PPFIBP1: variants seen among roughly 807,000 people sequenced by gnomAD.
PPFIBP1 encodes PPFIB scaffold protein 1.
A neutral mutation model predicts 137.8 loss-of-function variants in PPFIBP1; 112 were observed. That is an observed-to-expected ratio of 0.81 (90% CI 0.70 to 0.95). PPFIBP1 has a LOEUF of 0.95. PPFIBP1 is among the 40% of genes least tolerant of loss of function. The pLI is 0.00. For synonymous variants in PPFIBP1, 378 were observed against 417.3 expected (o/e 0.91, Z 1.15); for missense variants, 1,083 against 1,196.6 (o/e 0.91, Z 1.40).
At chr12:27,670,988 C>T (rs184266608) in intron 13 of PPFIBP1, among the ~76,000 whole-genome samples, 49 of 151,912 alleles carry the variant, frequency 3.2e-4, no homozygotes, top group African/African-American at 1.1e-3. Context: ...AACATTTCAT[C>T]CAGGGCTTAA....
At chr12:27,575,117 A>T (rs1386616864) in intron 1 of PPFIBP1, among the ~76,000 whole-genome samples, 1 of 152,222 alleles carries the variant, frequency 6.6e-6, no homozygotes, top group Non-Finnish European at 1.5e-5. Flanking sequence ...TTTTCTTAAA[A>T]GGCCAGATAT....
At chr12:27,572,294 A>T (rs1252755035) in intron 1 of PPFIBP1, among the ~76,000 whole-genome samples, 1 of 152,230 alleles carries the variant, frequency 6.6e-6, no homozygotes, top group Non-Finnish European at 1.5e-5. Flanking sequence ...TCTTTCCTTC[A>T]CTAGGCTGCC....
At chr12:27,663,554 G>T (rs866569186) in intron 11 of PPFIBP1, among the ~76,000 whole-genome samples, 1 of 151,968 alleles carries the variant, frequency 6.6e-6, no homozygotes, top group African/African-American at 2.4e-5. Flanking sequence ...TTAGAAAAAG[G>T]TTGGGGCCGG....
intron 1 of PPFIBP1, among the ~76,000 whole-genome samples, chr12:27,550,618 T>G (rs1459144995): frequency 1.3e-5 from 2 of 152,110 alleles, no homozygotes; most frequent in East Asian, 3.8e-4. Flanking sequence ...TTGCCCGAGA[T>G]CAAACAGAGA....
chr12:27,601,592 T>C (rs2053999833), intron 2 of PPFIBP1, among the ~76,000 whole-genome samples: 1 of 152,226 alleles, frequency 6.6e-6, no homozygotes, highest in South Asian at 2.1e-4. Flanking sequence ...CATTCTAATA[T>C]TAAGTTGTGC....
chr12:27,694,678 A>G lies in PPFIBP1; in HGVS notation c.*1796A>G, dbSNP rs1299080180. The G allele has an allele frequency of 6.6e-6, 1 of 152,244 alleles. No homozygotes were observed. Among genetic ancestry groups the G allele is most frequent in the East Asian group, 1.9e-4 (1 of 5,200 alleles). The allele number at this position is 152,244 out of a possible 1,614,324, so 9.4% of individuals were successfully genotyped here. ...TCTTTGTAAAGAAAATCGCTGCAGCAAAAACTGTTACTGTGTTTATTATAT... is the reference window on the plus strand; with the variant it reads ...TCTTTGTAAAGAAAATCGCTGCAGCGAAAACTGTTACTGTGTTTATTATAT... On this transcript the variant is annotated 3_prime_UTR_variant, in exon 30 of 30. Transcript: ENST00000228425.
intron 1 of PPFIBP1, among the ~76,000 whole-genome samples, chr12:27,535,275 T>G (rs1467859313): frequency 6.6e-6 from 1 of 152,174 alleles, no homozygotes; most frequent in Admixed American, 6.5e-5. Flanking sequence ...TCATTCTATG[T>G]GAAGAAAAAT....
intron 1 of PPFIBP1, among the ~76,000 whole-genome samples, chr12:27,546,434 T>C (rs1946249941): frequency 6.6e-6 from 1 of 152,188 alleles, no homozygotes; most frequent in South Asian, 2.1e-4. Context: ...ATTTTAGACA[T>C]CCTCACCCAA....
chr12:27,645,633 G>C (rs2058422392), intron 4 of PPFIBP1, among the ~76,000 whole-genome samples: 1 of 152,184 alleles, frequency 6.6e-6, no homozygotes, highest in African/African-American at 2.4e-5. Context: ...TTAAAATGGA[G>C]ATAAGTGAGG....
At position 27,687,442 on chromosome 12, in the gene PPFIBP1, G is replaced by T; in HGVS notation, c.2305G>T (p.Ala769Ser). 1 of 1,613,956 alleles carries T rather than the reference G, an allele frequency of 6.2e-7. No homozygotes were observed. Among genetic ancestry groups the T allele is most frequent in the Non-Finnish European group, 8.5e-7 (1 of 1,179,906 alleles). The change falls in exon 25 of 30, where the codon GCC (alanine) becomes TCC (serine). Residue 769 changes from alanine to serine, a missense_variant. Transcript: ENST00000228425. ...GCTACACCATCTCAGTATCAAAAGG[G>T]CCATCCAGGTCCTGAGGATCAATAA... ...SVLHHLSIKR[A>S]IQVLRINNFE... is the part of the protein sequence containing the mutation.
intron 1 of PPFIBP1, among the ~76,000 whole-genome samples, chr12:27,571,001 G>A (rs1027061547): frequency 1.3e-5 from 2 of 152,178 alleles, no homozygotes; most frequent in East Asian, 1.9e-4. Flanking sequence ...TCTAATTAAA[G>A]ATGTTACTGG....
chr12:27,578,816 G>T (rs1253418431), intron 2 of PPFIBP1, among the ~76,000 whole-genome samples: 11 of 152,166 alleles, frequency 7.2e-5, no homozygotes, highest in Non-Finnish European at 1.0e-4. Flanking sequence ...CGTGTACCAG[G>T]CATGGCCCTG....
chr12:27,636,716 A>G (rs965203605), intron 4 of PPFIBP1: 6 of 151,576 alleles, frequency 4.0e-5, no homozygotes, highest in African/African-American at 1.5e-4. Flanking sequence ...TTCAGAAACT[A>G]CCAGTGGCAT....
chr12:27,679,799 G>A, intron 20 of PPFIBP1, 134 bp from the exon 21 acceptor site: 2 of 1,384,620 alleles, frequency 1.4e-6, no homozygotes, highest in Non-Finnish European at 2.0e-6. Context: ...CTTAGTTAAA[G>A]TTTAAATTTA....
chr12:27,662,444 G>A (rs1192371820), intron 11 of PPFIBP1, among the ~76,000 whole-genome samples: 2 of 152,246 alleles, frequency 1.3e-5, no homozygotes, highest in Non-Finnish European at 2.9e-5. Flanking sequence ...CAGAATGGGA[G>A]AGTGAAGACA....
At chr12:27,526,641 CT>C (rs756818990) in intron 1 of PPFIBP1, among the ~76,000 whole-genome samples, 2 of 152,104 alleles carry the variant, frequency 1.3e-5, no homozygotes, top group Admixed American at 6.5e-5. Context: ...GGAGACCAGC[CT>C]GGCTAACATG....
chr12:27,551,510 A>G (rs775707467), intron 1 of PPFIBP1, among the ~76,000 whole-genome samples: 1 of 152,218 alleles, frequency 6.6e-6, no homozygotes, highest in African/African-American at 2.4e-5. Flanking sequence ...GTTGCTGAGA[A>G]CCAGAATGAT....
chr12:27,542,860 C>T (rs1369789126), intron 1 of PPFIBP1, among the ~76,000 whole-genome samples: 6 of 152,070 alleles, frequency 3.9e-5, no homozygotes, highest in Admixed American at 3.3e-4. Context: ...AAAGCACAGA[C>T]GGCTCTCTTG....
At chr12:27,685,368 C>T (rs1289228055) in intron 24 of PPFIBP1, among the ~76,000 whole-genome samples, 6 of 151,730 alleles carry the variant, frequency 4.0e-5, no homozygotes, top group Non-Finnish European at 7.4e-5. Flanking sequence ...AGGAAGGAAT[C>T]GAGAGGTTGG....
Sources: gnomAD v4.1 joint callset for allele counts (sites outside exome capture counted in the v4.1 genomes callset) on GRCh38, gnomAD v4.1.1 for gene constraint, MANE v1.5 for transcripts, NCBI Gene and HGNC (gene_info 2026-07-23, HGNC 2026-07-21) for gene names.